WWC1: variants seen among roughly 807,000 people sequenced by gnomAD.
WWC1 encodes WW and C2 domain containing 1.
WWC1 carries 55 observed loss-of-function variants against 138.4 expected under a neutral mutation model. That is an observed-to-expected ratio of 0.40 (90% CI 0.32 to 0.50). WWC1 has a LOEUF of 0.50. WWC1 is among the 20% of genes least tolerant of loss of function. The pLI, the probability that WWC1 is intolerant of heterozygous loss-of-function variation, is 0.72. For synonymous variants in WWC1, 524 were observed against 564.9 expected, an observed-to-expected ratio of 0.93 and a Z score of 1.03; for missense variants, 1,226 against 1,420.4, an observed-to-expected ratio of 0.86 and a Z score of 2.20.
At chr5:168,317,145 C>T (rs954973454) in intron 1 of WWC1, among the ~76,000 whole-genome samples, 6 of 152,032 alleles carry the variant, frequency 3.9e-5, no homozygotes, top group Non-Finnish European at 8.8e-5. Context: ...GGGAACTTAC[C>T]GAGGTCACAC....
In WWC1 at chr5:168,292,411, C is replaced by T; in HGVS notation, c.119+140C>T. On this transcript the variant is annotated intron_variant, in intron 1 of 22. Coordinates refer to ENST00000265293, the MANE Select transcript of WWC1 (RefSeq NM_015238.3). This position sits in a 1 kb window ranked among gnomAD's most constrained non-coding sequence, Gnocchi z 4.4. ...GCTCTCTTCAGTTCGCCACCCCCTG[C>T]TCCCCCCAACCTTCTGGAGCGCTGC... 1.0e-6 allele frequency: 1 copy of T among 989,702 alleles called. No homozygotes were observed. The highest frequency in any genetic ancestry group is 1.4e-6 in the Non-Finnish European group (1 of 690,880). The allele number at this position is 989,702 out of a possible 1,614,324, so 61.3% of individuals were successfully genotyped here.
At chr5:168,441,603 G>A in intron 15 of WWC1, 79 bp from the exon 16 acceptor site, 1 of 1,517,592 alleles carries the variant, frequency 6.6e-7, no homozygotes, top group South Asian at 1.3e-5. Context: ...TTTCCATACT[G>A]TCCTCTTGAA....
At chr5:168,353,190 C>A (rs1342063454) in intron 1 of WWC1, among the ~76,000 whole-genome samples, 1 of 152,044 alleles carries the variant, frequency 6.6e-6, no homozygotes. Context: ...TGGGAAGGTC[C>A]CCACACTCCC....
intron 1 of WWC1, among the ~76,000 whole-genome samples, chr5:168,301,638 CAA>C (rs778792626): frequency 1.3e-4 from 13 of 99,832 alleles, no homozygotes; most frequent in Non-Finnish European, 8.6e-5. Flanking sequence ...AACTTCGTCT[CAA>C]AAAAAAAAAA....
chr5:168,409,349 T>C (rs1780048637), intron 7 of WWC1, among the ~76,000 whole-genome samples: 1 of 152,230 alleles, frequency 6.6e-6, no homozygotes, highest in Admixed American at 6.5e-5. Context: ...TTGTAGCTTC[T>C]TGCTGCTCTT....
intron 1 of WWC1, among the ~76,000 whole-genome samples, chr5:168,366,890 C>G (rs1426043735): frequency 1.3e-5 from 2 of 148,908 alleles, no homozygotes; most frequent in African/African-American, 2.5e-5. Context: ...CTCCGCCTCC[C>G]AGGTTCAAGC....
At chr5:168,430,110 T>C in intron 13 of WWC1, 27 bp from the exon 14 acceptor site, 1 of 1,540,574 alleles carries the variant, frequency 6.5e-7, no homozygotes, top group African/African-American at 1.4e-5. Context: ...TACTAATAGG[T>C]ACTTCATATG....
At chr5:168,326,291 C>T (rs1270913385) in intron 1 of WWC1, among the ~76,000 whole-genome samples, 1 of 147,800 alleles carries the variant, frequency 6.8e-6, no homozygotes, top group Non-Finnish European at 1.5e-5. Context: ...GATCTCGGCT[C>T]ACCGCAACCT....
At chr5:168,358,388 C>T (rs767569467) in intron 1 of WWC1, among the ~76,000 whole-genome samples, 3 of 152,172 alleles carry the variant, frequency 2.0e-5, no homozygotes, top group Non-Finnish European at 4.4e-5. Flanking sequence ...CCTCTGGCTG[C>T]GTGACCCCAA....
chr5:168,450,396 G>A (rs1432175388), intron 17 of WWC1, among the ~76,000 whole-genome samples: 1 of 152,094 alleles, frequency 6.6e-6, no homozygotes, highest in Non-Finnish European at 1.5e-5. Flanking sequence ...GGCTGGGCAC[G>A]GTGACTCACG....
chr5:168,441,063 C>T (rs996345347), intron 15 of WWC1, among the ~76,000 whole-genome samples: 1 of 152,116 alleles, frequency 6.6e-6, no homozygotes, highest in African/African-American at 2.4e-5. Flanking sequence ...CAGAGTGAGA[C>T]CCTACCTCCA....
rs1009402643 is a variant in WWC1 at position 168,292,499 on chromosome 5, C to T, written c.119+228C>T. Among the ~76,000 whole-genome samples, 7 of 152,186 alleles carry T rather than the reference C, an allele frequency of 4.6e-5. No individual in the cohort carries two copies. The highest frequency in any genetic ancestry group is 1.7e-4 in the African/African-American group (7 of 41,546). On this transcript the variant is annotated intron_variant, in intron 1 of 22. Transcript: ENST00000265293. The surrounding 1 kb of genome is among the most constrained non-coding windows in gnomAD (Gnocchi z 4.4). ...GGGGAGCTGGCCCAGGCTGCCCCAC[C>T]GCCATCCCCAGTTGGAGGACTTAGG...
At chr5:168,441,628 A>C in intron 15 of WWC1, 54 bp from the exon 16 acceptor site, 1 of 1,585,556 alleles carries the variant, frequency 6.3e-7, no homozygotes. Context: ...ATTCCCTGAC[A>C]CCTGGTGTCC....
At chr5:168,373,987 A>G (rs1224959751) in intron 2 of WWC1, among the ~76,000 whole-genome samples, 1 of 148,606 alleles carries the variant, frequency 6.7e-6, no homozygotes, top group Non-Finnish European at 1.5e-5. Context: ...CGGAGCTTGC[A>G]GTGAGCCGAG....
intron 1 of WWC1, among the ~76,000 whole-genome samples, chr5:168,347,935 G>A (rs1045685163): frequency 6.6e-6 from 1 of 152,234 alleles, no homozygotes; most frequent in Non-Finnish European, 1.5e-5. Context: ...CAGATGGGCT[G>A]TGGGCTTATC....
At chr5:168,462,447 T>C (rs977960506) in intron 20 of WWC1, among the ~76,000 whole-genome samples, 1 of 152,204 alleles carries the variant, frequency 6.6e-6, no homozygotes, top group Non-Finnish European at 1.5e-5. Flanking sequence ...CAATGCAGAT[T>C]ACAAGGCCAC....
At chr5:168,452,764 TTCC>T (rs34833216) in intron 17 of WWC1, among the ~76,000 whole-genome samples, 96,191 of 150,968 alleles carry the variant, frequency 0.64, 31,016 homozygotes, top group African/African-American at 0.72. Context: ...TCTCTCCCTC[TTCC>T]TCCTCCTCCT....
intron 20 of WWC1, among the ~76,000 whole-genome samples, chr5:168,461,308 G>A (rs1449806135): frequency 6.6e-6 from 1 of 152,148 alleles, no homozygotes; most frequent in Non-Finnish European, 1.5e-5. Flanking sequence ...CCCCAGCCTG[G>A]GCAACAGAGT....
chr5:168,334,987 C>G (rs1314473058), intron 1 of WWC1, among the ~76,000 whole-genome samples: 4 of 152,146 alleles, frequency 2.6e-5, no homozygotes, highest in African/African-American at 9.7e-5. Context: ...CTAGGAGGAG[C>G]CTGCAGGGAA....
Sources: allele counts gnomAD v4.1 joint callset (sites outside exome capture counted in the v4.1 genomes callset), GRCh38; gene constraint gnomAD v4.1.1; non-coding constraint Gnocchi (gnomAD v3.1); transcripts MANE v1.5; gene names NCBI Gene and HGNC (gene_info 2026-07-23, HGNC 2026-07-21).